The following CLIP4 variants were observed in gnomAD, a reference collection of about 807,000 sequenced individuals.
CLIP4 encodes CAP-Gly domain-containing linker protein 4.
Under a neutral mutation model 73.1 loss-of-function variants are expected in CLIP4, and 47 were observed. The observed-to-expected ratio is 0.64, with a 90% CI of 0.51 to 0.82. The LOEUF (loss-of-function observed/expected upper bound fraction) is 0.82, where lower values mean the gene tolerates loss of function less well. CLIP4 is among the 40% of genes least tolerant of loss of function. The pLI, the probability that CLIP4 is intolerant of heterozygous loss-of-function variation, is 0.00. For missense variants in CLIP4, 874 were observed against 852.9 expected (o/e 1.02, Z -0.31); for synonymous variants, 306 against 295.4 (o/e 1.04, Z -0.37).
chr2:29,175,591 T>G (rs183181576), intron 15 of CLIP4: 2 of 152,212 alleles, frequency 1.3e-5, no homozygotes, highest in Non-Finnish European at 2.9e-5. Flanking sequence ...CCCTGGGAAT[T>G]ATACAGCAGG....
chr2:29,119,376 C>A (rs545304831), intron 1 of CLIP4, among the ~76,000 whole-genome samples: 2 of 152,238 alleles, frequency 1.3e-5, no homozygotes, highest in South Asian at 4.1e-4. Flanking sequence ...GAAAGGTGCT[C>A]TGGGGATCAC....
chr2:29,146,233 A>G (rs1007816857), intron 8 of CLIP4, among the ~76,000 whole-genome samples: 22 of 152,134 alleles, frequency 1.4e-4, no homozygotes, highest in African/African-American at 4.8e-4. Flanking sequence ...GCCTCTGACC[A>G]GGGGCACGCC....
chr2:29,151,153 G>A (rs1309763233), intron 8 of CLIP4, among the ~76,000 whole-genome samples: 3 of 152,060 alleles, frequency 2.0e-5, no homozygotes, highest in Non-Finnish European at 2.9e-5. Context: ...TTGGGTCATT[G>A]TAGTAAAGTA....
At chr2:29,153,618 A>T (rs1666727605) in intron 9 of CLIP4, among the ~76,000 whole-genome samples, 1 of 152,190 alleles carries the variant, frequency 6.6e-6, no homozygotes, top group South Asian at 2.1e-4. Flanking sequence ...GAACCATGAG[A>T]GTAAATTGTA....
At position 29,145,235 on chromosome 2, in the gene CLIP4, G is replaced by C; in HGVS notation, c.889G>C (p.Gly297Arg). 1 of 1,612,794 alleles carries C rather than the reference G, an allele frequency of 6.2e-7. No individual in the cohort carries two copies. Among genetic ancestry groups the C allele is most frequent in the Non-Finnish European group, 8.5e-7 (1 of 1,179,342 alleles). ...TTCTGGTTTATATTTTCTTTAGGTT[G>C]GTACATTAAGATTTTGTGGAACAAC... ...DRVVIAGQKV[G>R]TLRFCGTTEF... Residue 297 changes from glycine to arginine, a missense_variant, in exon 8 of 16, where the codon GGT becomes CGT. Coordinates refer to ENST00000320081, the MANE Select transcript of CLIP4 (RefSeq NM_024692.6).
chr2:29,153,625 T>C (rs535877535), intron 9 of CLIP4, among the ~76,000 whole-genome samples: 1 of 152,306 alleles, frequency 6.6e-6, no homozygotes, highest in Admixed American at 6.5e-5. Flanking sequence ...GAGAGTAAAT[T>C]GTAGTGTTGT....
At position 29,163,937 on chromosome 2, in the gene CLIP4, C is replaced by G. The variant is rs1483875953; in HGVS notation, c.1641C>G (p.Pro547=). ...CTCCAAGATATGGAATATTTGCTCC[C>G]CCATCCAGGGTGCAAAGGTGAGAGA... ...SCSPRYGIFA[P]PSRVQRVTDS... is the part of the protein sequence containing the mutation. The change falls in exon 13 of 16, where the codon CCC becomes CCG. Residue 547 remains proline, a synonymous_variant. Transcript: ENST00000320081. 2 of 1,613,058 alleles carry G rather than the reference C, an allele frequency of 1.2e-6. No individual in the cohort carries two copies. The highest frequency in any genetic ancestry group is 2.7e-5 in the African/African-American group (2 of 74,870).
intron 6 of CLIP4, among the ~76,000 whole-genome samples, chr2:29,140,851 T>C (rs1665715166): frequency 6.6e-6 from 1 of 152,222 alleles, no homozygotes; most frequent in South Asian, 2.1e-4. Context: ...CATTTTTTCA[T>C]GTGTTTTTTG....
intron 2 of CLIP4, chr2:29,130,960 C>A: frequency 8.0e-7 from 1 of 1,246,824 alleles, no homozygotes; most frequent in Non-Finnish European, 1.0e-6. Context: ...TTTTCTACCC[C>A]AGATTTGCCA....
intron 2 of CLIP4, chr2:29,130,556 G>C: frequency 2.1e-6 from 2 of 973,270 alleles, no homozygotes; most frequent in Non-Finnish European, 2.6e-6. Flanking sequence ...GTTTTCCTGA[G>C]CTGGGGGTGG....
chr2:29,130,742 C>CT, intron 2 of CLIP4: 1 of 1,254,830 alleles, frequency 8.0e-7, no homozygotes, highest in Non-Finnish European at 1.0e-6. Context: ...TGCCTCTCAT[C>CT]TTTTAGTTAT....
chr2:29,167,369 A>G (rs1667689313), intron 13 of CLIP4, 107 bp from the exon 14 acceptor site: 1 of 616,150 alleles, frequency 1.6e-6, no homozygotes, highest in Non-Finnish European at 2.7e-6. Context: ...CTCCATAAAT[A>G]TTTGTCTGAT....
intron 1 of CLIP4, among the ~76,000 whole-genome samples, chr2:29,099,927 T>TTC (rs754189856): frequency 2.6e-5 from 4 of 152,326 alleles, no homozygotes; most frequent in Admixed American, 2.0e-4. Context: ...ACATAACTCT[T>TTC]TCTCTCTCTC....
intron 12 of CLIP4, among the ~76,000 whole-genome samples, chr2:29,162,655 A>G (rs1380143948): frequency 6.6e-6 from 1 of 152,240 alleles, no homozygotes; most frequent in Non-Finnish European, 1.5e-5. Context: ...GGAAAATTGT[A>G]ACTGTAGCAC....
At chr2:29,160,585 C>A in intron 12 of CLIP4, 118 bp downstream of exon 12, 4 of 1,106,884 alleles carry the variant, frequency 3.6e-6, no homozygotes, top group Non-Finnish European at 5.2e-6. Flanking sequence ...TTGTGGATGG[C>A]AGCTATAGTA....
intron 9 of CLIP4, among the ~76,000 whole-genome samples, chr2:29,153,492 T>A (rs1482258948): frequency 7.6e-6 from 1 of 131,186 alleles, no homozygotes; most frequent in Admixed American, 9.1e-5. Context: ...CCTAACTTTG[T>A]ATGTGCTTTT....
intron 14 of CLIP4, among the ~76,000 whole-genome samples, chr2:29,168,512 C>CT (rs35201336): frequency 0.02 from 1,309 of 66,774 alleles, 358 homozygotes; most frequent in East Asian, 0.04. Context: ...ATGGTTTGCC[C>CT]TTTTTTTTTT....
intron 1 of CLIP4, among the ~76,000 whole-genome samples, chr2:29,106,337 G>A (rs776010572): frequency 6.6e-6 from 1 of 152,096 alleles, no homozygotes; most frequent in Non-Finnish European, 1.5e-5. Context: ...CTCAAAATAT[G>A]TCTTTCCCTT....
At chr2:29,113,185 G>A (rs1487532967), upstream of CLIP4, among the ~76,000 whole-genome samples, 1 of 152,214 alleles carries the variant, frequency 6.6e-6, no homozygotes, top group Non-Finnish European at 1.5e-5. This position sits in a 1 kb window ranked among gnomAD's most constrained non-coding sequence, Gnocchi z 4.0. Context: ...GATTTCCATA[G>A]GTCAAGTGCC....
Sources: gnomAD v4.1 joint callset for allele counts (sites outside exome capture counted in the v4.1 genomes callset) on GRCh38, gnomAD v4.1.1 for gene constraint, Gnocchi (gnomAD v3.1) non-coding constraint, MANE v1.5 for transcripts, NCBI Gene and HGNC (gene_info 2026-07-23, HGNC 2026-07-21) for gene names.